Variants in RANBP2 observed in about 807,000 individuals in gnomAD.
RANBP2 encodes RAN binding protein 2.
Under a neutral mutation model 303.6 loss-of-function variants are expected in RANBP2, and 57 were observed. That is an observed-to-expected ratio of 0.19 (90% CI 0.15 to 0.23). The LOEUF is 0.23. RANBP2 is among the 10% of genes least tolerant of loss of function. The pLI is 1.00. For synonymous variants in RANBP2, 1,167 were observed against 1,301.5 expected, an observed-to-expected ratio of 0.90 and a Z score of 2.23; for missense variants, 3,138 against 3,780.8, an observed-to-expected ratio of 0.83 and a Z score of 4.46.
the RANBP2 span, among the ~76,000 whole-genome samples, chr2:109,488,748 G>A: frequency 1.3e-5 from 2 of 152,196 alleles, no homozygotes; most frequent in Non-Finnish European, 2.9e-5. Flanking sequence ...GCACATGAAG[G>A]GCTGCAACGA....
chr2:109,429,541 G>A, the RANBP2 span, among the ~76,000 whole-genome samples: 1 of 152,142 alleles, frequency 6.6e-6, no homozygotes, highest in Non-Finnish European at 1.5e-5. Context: ...CACCGGGCCT[G>A]TGCTTGGAGT....
At chr2:109,179,047 C>T in the RANBP2 span, among the ~76,000 whole-genome samples, 1 of 79,658 alleles carries the variant, frequency 1.3e-5, no homozygotes, top group Non-Finnish European at 3.2e-5. Flanking sequence ...ATTTTTAAAC[C>T]AGAATGAGAG....
chr2:109,693,478 T>C, the RANBP2 span, among the ~76,000 whole-genome samples: 3 of 152,108 alleles, frequency 2.0e-5, no homozygotes, highest in Admixed American at 1.3e-4. Flanking sequence ...TGGTGGCAGA[T>C]AATTGAATCA....
At chr2:109,152,390 G>A in the RANBP2 span, among the ~76,000 whole-genome samples, 1 of 152,144 alleles carries the variant, frequency 6.6e-6, no homozygotes, top group Non-Finnish European at 1.5e-5. Context: ...TAGCTGACAT[G>A]TACAGCAAAT....
At chr2:108,984,543 C>G in the RANBP2 span, among the ~76,000 whole-genome samples, 1 of 152,146 alleles carries the variant, frequency 6.6e-6, no homozygotes. Flanking sequence ...ACATCTCCAG[C>G]TCACCCCACC....
chr2:109,522,624 T>C, the RANBP2 span, among the ~76,000 whole-genome samples: 12 of 147,684 alleles, frequency 8.1e-5, no homozygotes, highest in African/African-American at 3.2e-4. Context: ...CAGGCTGGTC[T>C]CAAACTCCTG....
chr2:109,377,810 C>T, the RANBP2 span, among the ~76,000 whole-genome samples: 1 of 152,136 alleles, frequency 6.6e-6, no homozygotes, highest in Non-Finnish European at 1.5e-5. Flanking sequence ...CCTGTAGCAC[C>T]GGTGCCTCCT....
the RANBP2 span, among the ~76,000 whole-genome samples, chr2:109,185,690 G>A: frequency 2.0e-5 from 3 of 152,200 alleles, no homozygotes; most frequent in Non-Finnish European, 4.4e-5. Context: ...CATGGCTCTT[G>A]GTGGAAAAGA....
At chr2:108,807,776 C>T in the RANBP2 span, among the ~76,000 whole-genome samples, 1 of 152,158 alleles carries the variant, frequency 6.6e-6, no homozygotes, top group South Asian at 2.1e-4. Context: ...CACCACCACA[C>T]CTGGCTAATT....
the RANBP2 span, among the ~76,000 whole-genome samples, chr2:109,135,069 T>A: frequency 6.6e-6 from 1 of 152,194 alleles, no homozygotes; most frequent in South Asian, 2.1e-4. Flanking sequence ...CCCTACCCAG[T>A]AGGTCTCAAA....
chr2:109,498,590 C>T, the RANBP2 span, among the ~76,000 whole-genome samples: 1 of 152,198 alleles, frequency 6.6e-6, no homozygotes, highest in East Asian at 1.9e-4. Context: ...TTTCAGACAC[C>T]AATGTGCAAG....
the RANBP2 span, among the ~76,000 whole-genome samples, chr2:109,149,233 C>T: frequency 6.6e-6 from 1 of 152,120 alleles, no homozygotes; most frequent in Non-Finnish European, 1.5e-5. Context: ...ATTCGGACTT[C>T]TCTAGTCAGA....
At chr2:109,539,754 T>C in the RANBP2 span, among the ~76,000 whole-genome samples, 1 of 152,232 alleles carries the variant, frequency 6.6e-6, no homozygotes. Flanking sequence ...CAACCAGTTT[T>C]GTCCCTGTAG....
the RANBP2 span, among the ~76,000 whole-genome samples, chr2:108,946,933 A>G: frequency 1.3e-5 from 2 of 151,956 alleles, no homozygotes; most frequent in Non-Finnish European, 2.9e-5. Flanking sequence ...ATGCCTTCCC[A>G]ACAGTCTCCC....
At chr2:109,777,367 T>C in the RANBP2 span, among the ~76,000 whole-genome samples, 1 of 146,644 alleles carries the variant, frequency 6.8e-6, no homozygotes, top group Admixed American at 7.2e-5. Context: ...AATATACTTT[T>C]ATATACTTTA....
the RANBP2 span, chr2:109,449,531 C>T: frequency 6.3e-7 from 1 of 1,591,460 alleles, no homozygotes; most frequent in South Asian, 1.1e-5. Context: ...TCGAGGCCAG[C>T]TGCTTACTGT....
At chr2:109,053,643 A>T in the RANBP2 span, among the ~76,000 whole-genome samples, 1 of 152,216 alleles carries the variant, frequency 6.6e-6, no homozygotes, top group East Asian at 1.9e-4. Context: ...TCTGTAAGTA[A>T]TAAACCTGCT....
the RANBP2 span, among the ~76,000 whole-genome samples, chr2:109,257,793 G>A: frequency 4.6e-5 from 7 of 152,122 alleles, no homozygotes; most frequent in Non-Finnish European, 8.8e-5. Flanking sequence ...TATGTTTTAC[G>A]GACAGGAGAC....
chr2:109,616,603 A>G, the RANBP2 span: 1 of 167,142 alleles, frequency 6.0e-6, no homozygotes, highest in South Asian at 2.1e-4. Context: ...ATGCAAAAAT[A>G]CTAATTAGAG....
Sources: allele counts gnomAD v4.1 joint callset (sites outside exome capture counted in the v4.1 genomes callset), GRCh38; gene constraint gnomAD v4.1.1; transcripts MANE v1.5; gene names NCBI Gene and HGNC (gene_info 2026-07-23, HGNC 2026-07-21).